HEPHL1: variants seen among roughly 807,000 people sequenced by gnomAD.
HEPHL1 encodes hephaestin like 1.
Under a neutral mutation model 122.0 loss-of-function variants are expected in HEPHL1, and 123 were observed. That is an observed-to-expected ratio of 1.01 (90% CI 0.87 to 1.17). The LOEUF is 1.17. HEPHL1 is among the 50% of genes most tolerant of loss of function. The probability of loss-of-function intolerance (pLI) is 0.00; values close to 1 mark genes in which losing one functional copy is unlikely to be tolerated. For missense variants in HEPHL1, 1,452 were observed against 1,430.5 expected (o/e 1.01, Z -0.24); for synonymous variants, 527 against 508.9 (o/e 1.04, Z -0.48).
intron 12 of HEPHL1, 27 bp downstream of exon 12, chr11:94,088,995 C>A (rs372833563): frequency 2.6e-5 from 41 of 1,603,154 alleles, no homozygotes; most frequent in Middle Eastern, 3.3e-4. Flanking sequence ...CGCTAGGGCT[C>A]CTCGGTGGGA....
At chr11:94,088,652 T>G (rs1565358908) in intron 11 of HEPHL1, 103 bp from the exon 12 acceptor site, 4 of 873,102 alleles carry the variant, frequency 4.6e-6, no homozygotes, top group Non-Finnish European at 7.0e-6. Context: ...AAAATCCACC[T>G]AACTGGTTAT....
intron 10 of HEPHL1, among the ~76,000 whole-genome samples, chr11:94,083,705 G>A (rs932947681): frequency 2.6e-5 from 4 of 152,204 alleles, no homozygotes; most frequent in African/African-American, 9.7e-5. Context: ...AGACCCTATG[G>A]TCCCAGATGC....
At chr11:94,049,043 C>G (rs1163918719) in intron 2 of HEPHL1, among the ~76,000 whole-genome samples, 9 of 152,002 alleles carry the variant, frequency 5.9e-5, no homozygotes, top group Non-Finnish European at 1.3e-4. Context: ...GTCGCTTGAA[C>G]CTGGGAGGTG....
chr11:94,042,946 G>T (rs1272131041), intron 1 of HEPHL1, among the ~76,000 whole-genome samples: 1 of 149,468 alleles, frequency 6.7e-6, no homozygotes, highest in Non-Finnish European at 1.5e-5. Flanking sequence ...TACTCTGTTA[G>T]ACATTAATTC....
At chr11:94,031,127 G>T (rs1040879044) in intron 1 of HEPHL1, among the ~76,000 whole-genome samples, 4 of 151,916 alleles carry the variant, frequency 2.6e-5, no homozygotes, top group Non-Finnish European at 5.9e-5. Context: ...TCAATAAAAC[G>T]TGAGCTTGTT....
intron 10 of HEPHL1, among the ~76,000 whole-genome samples, chr11:94,085,081 G>A (rs577259508): frequency 6.6e-6 from 1 of 152,264 alleles, no homozygotes; most frequent in African/African-American, 2.4e-5. Flanking sequence ...AGAGCAGGAG[G>A]GGGGTAGAAA....
intron 2 of HEPHL1, among the ~76,000 whole-genome samples, chr11:94,052,927 C>T (rs1300484505): frequency 6.6e-6 from 1 of 151,976 alleles, no homozygotes; most frequent in Non-Finnish European, 1.5e-5. Flanking sequence ...GGATATTGGT[C>T]TGTAGTTTTC....
At chr11:94,079,401 A>G (rs535836176) in intron 9 of HEPHL1, among the ~76,000 whole-genome samples, 1 of 152,338 alleles carries the variant, frequency 6.6e-6, no homozygotes, top group East Asian at 1.9e-4. Flanking sequence ...GAAAAATTTC[A>G]AGTCTTCATT....
intron 15 of HEPHL1, among the ~76,000 whole-genome samples, chr11:94,104,149 G>A (rs1042403318): frequency 6.6e-6 from 1 of 152,150 alleles, no homozygotes; most frequent in Non-Finnish European, 1.5e-5. Context: ...CTGAAAATAG[G>A]GAAGTAGAGG....
chr11:94,088,290 C>A (rs543921018), intron 11 of HEPHL1, among the ~76,000 whole-genome samples: 5 of 152,170 alleles, frequency 3.3e-5, no homozygotes, highest in Admixed American at 6.5e-5. Flanking sequence ...ATAACACTTA[C>A]ATATTTATTG....
At chr11:94,058,306 C>T (rs1317441446) in intron 2 of HEPHL1, among the ~76,000 whole-genome samples, 2 of 152,080 alleles carry the variant, frequency 1.3e-5, no homozygotes, top group East Asian at 3.9e-4. Context: ...TCAATTTTGT[C>T]TAACTTTATA....
At chr11:94,104,409 GA>G in intron 15 of HEPHL1, 118 bp from the exon 16 acceptor site, 2 of 691,004 alleles carry the variant, frequency 2.9e-6, no homozygotes, top group South Asian at 1.9e-5. Context: ...GCTGAGAGAA[GA>G]ATCAATTTCT....
chr11:94,027,648 T>A (rs1274762517), intron 1 of HEPHL1, among the ~76,000 whole-genome samples: 1 of 152,226 alleles, frequency 6.6e-6, no homozygotes, highest in African/African-American at 2.4e-5. Context: ...GGAAACTGGT[T>A]CAGAGAGGTT....
chr11:94,025,369 C>T (rs1945615737), intron 1 of HEPHL1, among the ~76,000 whole-genome samples: 1 of 152,124 alleles, frequency 6.6e-6, no homozygotes, highest in East Asian at 1.9e-4. Context: ...CAGTCCTGCT[C>T]AGGCTCATAA....
intron 2 of HEPHL1, among the ~76,000 whole-genome samples, chr11:94,054,835 A>C (rs1390645142): frequency 1.3e-5 from 2 of 152,228 alleles, no homozygotes; most frequent in African/African-American, 4.8e-5. Flanking sequence ...AAAGTCTTTG[A>C]ATATGCGAAG....
At chr11:94,026,804 C>T (rs1405731608) in intron 1 of HEPHL1, among the ~76,000 whole-genome samples, 1 of 152,192 alleles carries the variant, frequency 6.6e-6, no homozygotes, top group Admixed American at 6.5e-5. Context: ...GGGGCTCTGG[C>T]ATCAACTGTC....
intron 1 of HEPHL1, among the ~76,000 whole-genome samples, chr11:94,026,674 GA>G (rs1945628594): frequency 6.6e-6 from 1 of 152,208 alleles, no homozygotes; most frequent in African/African-American, 2.4e-5. Context: ...GAAGTGGGGT[GA>G]CCAATCTTCT....
intron 5 of HEPHL1, 27 bp downstream of exon 5, chr11:94,067,777 T>C (rs375484888): frequency 8.0e-5 from 129 of 1,610,050 alleles, no homozygotes; most frequent in Non-Finnish European, 7.8e-5. Context: ...CCAGAGTTGA[T>C]ATGTTTAGAA....
chr11:94,106,715 T>G (rs969745888), intron 17 of HEPHL1, among the ~76,000 whole-genome samples: 2 of 152,218 alleles, frequency 1.3e-5, no homozygotes, highest in African/African-American at 2.4e-5. Context: ...AATATGCTGT[T>G]AATATTGTAT....
Sources: allele counts gnomAD v4.1 joint callset (sites outside exome capture counted in the v4.1 genomes callset), GRCh38; gene constraint gnomAD v4.1.1; transcripts MANE v1.5; gene names NCBI Gene and HGNC (gene_info 2026-07-23, HGNC 2026-07-21).